Variants in LARGE1 observed in about 807,000 individuals in gnomAD.
LARGE1 encodes the protein xylosyl- and glucuronyltransferase LARGE1.
A neutral mutation model predicts 87.6 loss-of-function variants in LARGE1; 43 were observed. That is an observed-to-expected ratio of 0.49 (90% CI 0.38 to 0.63). The LOEUF is 0.63. Among genes scored for constraint, LARGE1 ranks in the 30% least tolerant of loss-of-function variants. The pLI, the probability that LARGE1 is intolerant of heterozygous loss-of-function variation, is 0.00. For missense variants in LARGE1, 802 were observed against 1,000.2 expected, an observed-to-expected ratio of 0.80 and a Z score of 2.67; for synonymous variants, 434 against 394.6, an observed-to-expected ratio of 1.10 and a Z score of -1.18.
exon 12 of LARGE1, chr22:33,166,617 T>G (rs887478011): frequency 4.5e-5 from 18 of 395,686 alleles, no homozygotes; most frequent in African/African-American, 3.7e-4. Flanking sequence ...TCACCTGGCA[T>G]GTACCACTTC....
At chr22:33,772,226 G>A (rs930355596) in intron 1 of LARGE1, among the ~76,000 whole-genome samples, 4 of 152,050 alleles carry the variant, frequency 2.6e-5, no homozygotes, top group Non-Finnish European at 4.4e-5. Flanking sequence ...CCAGCTACTC[G>A]GGAAGCTGAG....
chr22:33,202,445 A>C (rs1924447418), intron 11 of LARGE1, among the ~76,000 whole-genome samples: 1 of 152,214 alleles, frequency 6.6e-6, no homozygotes, highest in Non-Finnish European at 1.5e-5. Context: ...TGGCCATCTT[A>C]ATCAAAGGGA....
chr22:33,895,283 G>A (rs2065109427), intron 1 of LARGE1, among the ~76,000 whole-genome samples: 1 of 152,188 alleles, frequency 6.6e-6, no homozygotes, highest in African/African-American at 2.4e-5. Flanking sequence ...AGGAGGAGAT[G>A]GAGACCTGAG....
At chr22:33,191,893 C>A (rs1433778284) in intron 11 of LARGE1, among the ~76,000 whole-genome samples, 4 of 152,148 alleles carry the variant, frequency 2.6e-5, no homozygotes, top group African/African-American at 9.7e-5. Flanking sequence ...TAGATTTTCC[C>A]CACTAGTGTA....
chr22:33,765,043 G>C (rs1287094013), intron 1 of LARGE1, among the ~76,000 whole-genome samples: 1 of 152,220 alleles, frequency 6.6e-6, no homozygotes, highest in African/African-American at 2.4e-5. Flanking sequence ...GCAACTAGCA[G>C]TAAGTAGCAC....
At chr22:33,274,646 GT>G (rs1317924108) in intron 14 of LARGE1, 22 bp from the exon 15 acceptor site, 1 of 1,609,304 alleles carries the variant, frequency 6.2e-7, no homozygotes. Flanking sequence ...CAAGAGCAGC[GT>G]GAGAACCCGC....
intron 11 of LARGE1, among the ~76,000 whole-genome samples, chr22:33,305,287 G>C (rs144614460): frequency 0.023 from 3,457 of 151,182 alleles, 45 homozygotes; most frequent in African/African-American, 0.04. Flanking sequence ...AGGGCGCCAG[G>C]CAACTGTGCA....
At chr22:33,786,895 C>T (rs1380096483) in intron 1 of LARGE1, among the ~76,000 whole-genome samples, 1 of 151,982 alleles carries the variant, frequency 6.6e-6, no homozygotes, top group Non-Finnish European at 1.5e-5. Context: ...GTGGCGCCTG[C>T]CTGTAGACCC....
chr22:33,829,715 G>A (rs753239609), intron 1 of LARGE1, among the ~76,000 whole-genome samples: 1 of 152,154 alleles, frequency 6.6e-6, no homozygotes, highest in Non-Finnish European at 1.5e-5. Context: ...GAAAACTGAT[G>A]ACTGGCAGAA....
rs139003089 is a variant in LARGE1 at position 33,566,746 on chromosome 22, C to T, written c.616-1727G>A. On this transcript the variant is annotated intron_variant, in intron 5 of 14. Transcript: ENST00000397394. Reference sequence around the variant, plus strand: ...TACAGAGCACTGATTGGTCATTTTACAGAGTGCTGATTGGTCCATTTTATA... The same window carrying T: ...TACAGAGCACTGATTGGTCATTTTATAGAGTGCTGATTGGTCCATTTTATA... Among the ~76,000 whole-genome samples the T allele has an allele frequency of 1.6e-3, 245 of 152,286 alleles. 4 individuals carry two copies. In the East Asian group the frequency reaches 0.041, roughly 25 times the overall value.
intron 1 of LARGE1, among the ~76,000 whole-genome samples, chr22:33,796,222 CG>C (rs2085976113): frequency 6.6e-6 from 1 of 152,166 alleles, no homozygotes; most frequent in Admixed American, 6.5e-5. Context: ...GAGTATTACT[CG>C]GGTATACATC....
chr22:33,917,444 T>C (rs1440736101), intron 1 of LARGE1, among the ~76,000 whole-genome samples: 1 of 152,224 alleles, frequency 6.6e-6, no homozygotes, highest in Non-Finnish European at 1.5e-5. Context: ...GAAGTGCAAC[T>C]ACACCGTCAA....
At chr22:33,652,784 C>T (rs760897408) in intron 2 of LARGE1, among the ~76,000 whole-genome samples, 5 of 152,138 alleles carry the variant, frequency 3.3e-5, no homozygotes, top group African/African-American at 7.2e-5. Context: ...CTGCCCAGGG[C>T]TTTTTGATGT....
intron 1 of LARGE1, among the ~76,000 whole-genome samples, chr22:33,780,996 G>A (rs2085402777): frequency 6.6e-6 from 1 of 152,226 alleles, no homozygotes; most frequent in South Asian, 2.1e-4. Flanking sequence ...GCACAAAGCT[G>A]CCCCGCCTTA....
At chr22:33,160,263 T>C (rs1236957443), downstream of LARGE1, among the ~76,000 whole-genome samples, 1 of 152,228 alleles carries the variant, frequency 6.6e-6, no homozygotes, top group African/African-American at 2.4e-5. Context: ...GTTTGGACTT[T>C]GTGTGTGTAT....
At chr22:33,176,641 A>T (rs1405883890) in intron 11 of LARGE1, among the ~76,000 whole-genome samples, 2 of 152,232 alleles carry the variant, frequency 1.3e-5, no homozygotes, top group African/African-American at 4.8e-5. Flanking sequence ...GGCAATCATT[A>T]AAAGGTCAGG....
chr22:33,493,594 G>T (rs1602100090), intron 6 of LARGE1, among the ~76,000 whole-genome samples: 1 of 152,144 alleles, frequency 6.6e-6, no homozygotes, highest in East Asian at 1.9e-4. Flanking sequence ...TATGTGGATA[G>T]TTCCAAATCA....
intron 9 of LARGE1, among the ~76,000 whole-genome samples, chr22:33,347,891 A>C (rs767652687): frequency 6.6e-6 from 1 of 152,226 alleles, no homozygotes; most frequent in Non-Finnish European, 1.5e-5. Context: ...GCATGTGTTC[A>C]TTCAGTTATA....
rs561601338 is a variant in LARGE1 at position 33,497,847 on chromosome 22, C to G, written c.788-65582G>C. Among the ~76,000 whole-genome samples, 3 of 152,264 alleles carry G rather than the reference C, an allele frequency of 2.0e-5. No homozygotes were observed. The East Asian group carries it at 5.8e-4, about 29-fold the overall frequency. ...CTCAGTTCATCTACACTGTACAAAG[C>G]AAGAGTTACAGAGTGCTTACTTTTC... On this transcript the variant is annotated intron_variant, in intron 6 of 14. Transcript: ENST00000397394.
Sources: gnomAD v4.1 joint callset for allele counts (sites outside exome capture counted in the v4.1 genomes callset) on GRCh38, gnomAD v4.1.1 for gene constraint, MANE v1.5 for transcripts, NCBI Gene and HGNC (gene_info 2026-07-23, HGNC 2026-07-21) for gene names.